The following FHAD1 variants were observed in gnomAD, a reference collection of about 807,000 sequenced individuals.
FHAD1 encodes the protein forkhead associated phosphopeptide binding domain 1.
FHAD1 carries 146 observed loss-of-function variants against 191.3 expected under a neutral mutation model. The observed-to-expected ratio is 0.76, with a 90% CI of 0.67 to 0.88. The LOEUF (loss-of-function observed/expected upper bound fraction) is 0.88, where lower values mean the gene tolerates loss of function less well. FHAD1 is among the 40% of genes least tolerant of loss of function. FHAD1 has a pLI of 0.00. For missense variants in FHAD1, 1,635 were observed against 1,785.8 expected (o/e 0.92, Z 1.52); for synonymous variants, 616 against 672.3 (o/e 0.92, Z 1.29).
chr1:15,375,585 A>G lies in FHAD1; in HGVS notation c.3578-18A>G, dbSNP rs187575838. 3.0e-5 allele frequency: 46 copies of G among 1,510,438 alleles called. No homozygotes were observed. In the Middle Eastern group the frequency reaches 7.0e-4, roughly 23 times the overall value. The allele number at this position is 1,510,438 out of a possible 1,614,324, so 93.6% of individuals were successfully genotyped here. A position where few individuals can be genotyped will look rare whatever the true frequency, so the allele number is the denominator to read the frequency against. The stretch of plus-strand genomic sequence containing the variant: ...CTTCCTGAGCCTTTCTTTTGAGTCT[A>G]CTTTATTTCTTTTACAGATCATAAA... On this transcript the variant is annotated intron_variant, in intron 27 of 33. Coordinates refer to ENST00000688493, the MANE Select transcript of FHAD1 (RefSeq NM_001391957.1).
Position 15,253,258 on chromosome 1 carries a change from T to C in FHAD1, c.93+1381T>C, listed in dbSNP as rs185533104. ...ATAGATCACATGTGTATTCATAGAT[T>C]TGTGTGTAGCAATCAAAAAATTGTC... is the stretch of plus-strand genomic sequence containing the variant. On this transcript the variant is annotated intron_variant, in intron 2 of 33. Coordinates refer to ENST00000688493, the MANE Select transcript of FHAD1 (RefSeq NM_001391957.1). 2.6e-5 allele frequency among the ~76,000 whole-genome samples: 4 copies of C among 152,032 alleles called. No homozygotes were observed. The East Asian group carries it at 5.8e-4, about 22-fold the overall frequency.
chr1:15,296,111 A>G (rs192870073), intron 4 of FHAD1, among the ~76,000 whole-genome samples: 11 of 152,340 alleles, frequency 7.2e-5, no homozygotes, highest in African/African-American at 2.4e-4. Flanking sequence ...TCTGTGGCAT[A>G]GGAAAAAGGT....
At chr1:15,269,443 A>T (rs556602294) in intron 2 of FHAD1, among the ~76,000 whole-genome samples, 119 of 152,272 alleles carry the variant, frequency 7.8e-4, no homozygotes, top group African/African-American at 2.8e-3. Context: ...TGTGTTGTTT[A>T]ATCTCCAAAT....
At chr1:15,261,613 A>G (rs1325076478) in intron 2 of FHAD1, among the ~76,000 whole-genome samples, 1 of 152,114 alleles carries the variant, frequency 6.6e-6, no homozygotes, top group Admixed American at 6.5e-5. Flanking sequence ...CTGCTTCTCA[A>G]GACTCTCCCA....
chr1:15,309,888 G>T (rs541639964), intron 7 of FHAD1, among the ~76,000 whole-genome samples: 175 of 152,234 alleles, frequency 1.1e-3, no homozygotes, highest in African/African-American at 2.6e-3. Context: ...AGGTGCAAAG[G>T]CCCCGAGGCT....
intron 2 of FHAD1, among the ~76,000 whole-genome samples, chr1:15,269,927 T>G (rs960132398): frequency 6.6e-6 from 1 of 150,914 alleles, no homozygotes; most frequent in Non-Finnish European, 1.5e-5. Context: ...TTTTTTTTTT[T>G]TTTTTTGAGT....
chr1:15,311,511 T>C lies in FHAD1; in HGVS notation c.1040-1546T>C, dbSNP rs1672263949. 6.6e-6 allele frequency among the ~76,000 whole-genome samples: 1 copy of C among 152,160 alleles called. No individual in the cohort carries two copies. The highest frequency in any genetic ancestry group is 1.9e-4 in the East Asian group (1 of 5,200). On this transcript the variant is annotated intron_variant, in intron 7 of 33. Transcript: ENST00000688493. This position sits in a 1 kb window ranked among gnomAD's most constrained non-coding sequence, Gnocchi z 4.1. ...CACTCTGGTCCCGCCTCACAAAGCA[T>C]GCAGGCAAGCCCCAGAGAGAGCAGT... is the stretch of plus-strand genomic sequence containing the variant.
chr1:15,255,180 T>C (rs910421647), intron 2 of FHAD1, among the ~76,000 whole-genome samples: 2 of 151,660 alleles, frequency 1.3e-5, no homozygotes, highest in African/African-American at 2.4e-5. Flanking sequence ...AAGATTGTTT[T>C]ATTTACTTGG....
intron 4 of FHAD1, among the ~76,000 whole-genome samples, chr1:15,293,634 C>G (rs771895273): frequency 6.6e-6 from 1 of 152,212 alleles, no homozygotes; most frequent in Non-Finnish European, 1.5e-5. Context: ...AGGAGAATCG[C>G]TTGAACCCGG....
In FHAD1 at chr1:15,360,406, C is replaced by T. The variant is rs1694409183; in HGVS notation, c.2737-72C>T. ...GCCCAGTTTAGCACCTATGTGTGTGCCCAGGGGGCATATTATTGTTGCCGT... is the reference window on the plus strand; with the variant it reads ...GCCCAGTTTAGCACCTATGTGTGTGTCCAGGGGGCATATTATTGTTGCCGT... On this transcript the variant is annotated intron_variant, in intron 21 of 33. Transcript: ENST00000688493. The T allele has an allele frequency of 2.2e-6, 3 of 1,358,224 alleles. No individual in the cohort carries two copies. In the Admixed American group the frequency reaches 6.0e-5, roughly 27 times the overall value. The allele number at this position is 1,358,224 out of a possible 1,614,324, so 84.1% of individuals were successfully genotyped here.
intron 18 of FHAD1, among the ~76,000 whole-genome samples, chr1:15,345,941 TC>T (rs1337509259): frequency 6.6e-6 from 1 of 152,130 alleles, no homozygotes; most frequent in Non-Finnish European, 1.5e-5. Flanking sequence ...CCCAGGACAG[TC>T]CGTCCCAGCA....
intron 1 of FHAD1, among the ~76,000 whole-genome samples, chr1:15,247,715 C>G (rs953350747): frequency 3.3e-5 from 5 of 152,150 alleles, no homozygotes; most frequent in African/African-American, 1.2e-4. Flanking sequence ...ACGAACGACA[C>G]CCACCCGGCG....
At chr1:15,391,050 C>G (rs1703906283) in intron 32 of FHAD1, 160 bp from the exon 33 acceptor site, 1 of 266,920 alleles carries the variant, frequency 3.7e-6, no homozygotes, top group Non-Finnish European at 7.3e-6. Flanking sequence ...ATGGATTTTT[C>G]TCAATTTTCA....
intron 21 of FHAD1, among the ~76,000 whole-genome samples, chr1:15,358,877 G>A (rs181169307): frequency 1.1e-3 from 173 of 152,316 alleles, no homozygotes; most frequent in African/African-American, 3.8e-3. Flanking sequence ...AGGGTGTGGC[G>A]TTGGAGAGAA....
rs1700809055 is a variant in FHAD1 at position 15,381,184 on chromosome 1, C to T, written c.3802-47C>T. 2.2e-6 allele frequency: 3 copies of T among 1,343,778 alleles called. No homozygotes were observed. In the South Asian group the frequency reaches 3.9e-5, roughly 17 times the overall value. The allele number at this position is 1,343,778 out of a possible 1,614,324, so 83.2% of individuals were successfully genotyped here. ...ACATTGGCCTCCTTAAAGCGGCCAC[C>T]AGCGGCCGCGGGTAATGCCTCTTAT... On this transcript the variant is annotated intron_variant, in intron 29 of 33. Transcript: ENST00000688493. This position sits in a 1 kb window ranked among gnomAD's most constrained non-coding sequence, Gnocchi z 4.6.
At chr1:15,251,002 C>T (rs1020651486) in intron 1 of FHAD1, among the ~76,000 whole-genome samples, 2 of 152,004 alleles carry the variant, frequency 1.3e-5, no homozygotes, top group Non-Finnish European at 2.9e-5. Context: ...GCATTTAACC[C>T]ATTTTAGGCT....
intron 6 of FHAD1, among the ~76,000 whole-genome samples, chr1:15,302,264 G>T (rs889368144): frequency 2.0e-5 from 3 of 152,192 alleles, no homozygotes; most frequent in Non-Finnish European, 4.4e-5. Flanking sequence ...GAACTGCCCG[G>T]TGTTCCAAAC....
intron 2 of FHAD1, among the ~76,000 whole-genome samples, chr1:15,271,410 C>G (rs1033400116): frequency 6.6e-6 from 1 of 152,218 alleles, no homozygotes; most frequent in Non-Finnish European, 1.5e-5. Context: ...AACATGCAGT[C>G]ACCTCCTTTG....
intron 28 of FHAD1, among the ~76,000 whole-genome samples, chr1:15,377,527 A>C (rs551867837): frequency 4.6e-5 from 7 of 152,274 alleles, no homozygotes; most frequent in Non-Finnish European, 7.4e-5. Flanking sequence ...CCGACACAAC[A>C]CTGGCAGCAA....
Sources: gnomAD v4.1 joint callset for allele counts (sites outside exome capture counted in the v4.1 genomes callset) on GRCh38, gnomAD v4.1.1 for gene constraint, Gnocchi (gnomAD v3.1) non-coding constraint, MANE v1.5 for transcripts, NCBI Gene and HGNC (gene_info 2026-07-23, HGNC 2026-07-21) for gene names.